The following PCDH9 variants were observed in gnomAD, a reference collection of about 807,000 sequenced individuals.
The protein encoded by PCDH9 is protocadherin 9.
A neutral mutation model predicts 70.6 loss-of-function variants in PCDH9; 24 were observed. The ratio of observed to expected loss-of-function variants is 0.34; its 90% CI spans 0.25 to 0.48. The LOEUF is 0.48. Among genes scored for constraint, PCDH9 ranks in the 20% least tolerant of loss-of-function variants. The probability of loss-of-function intolerance (pLI) is 0.99; values close to 1 mark genes in which losing one functional copy is unlikely to be tolerated. For missense variants in PCDH9, 1,281 were observed against 1,503.6 expected, an observed-to-expected ratio of 0.85 and a Z score of 2.45; for synonymous variants, 562 against 558.5, an observed-to-expected ratio of 1.01 and a Z score of -0.09.
chr13:66,349,238 T>C (rs531636229), intron 4 of PCDH9, among the ~76,000 whole-genome samples: 1 of 152,164 alleles, frequency 6.6e-6, no homozygotes, highest in African/African-American at 2.4e-5. Flanking sequence ...CCCTAAATAT[T>C]TGTTGAATAA....
intron 3 of PCDH9, among the ~76,000 whole-genome samples, chr13:66,668,738 C>A (rs1337878308): frequency 6.6e-6 from 1 of 152,096 alleles, no homozygotes; most frequent in Non-Finnish European, 1.5e-5. Context: ...CATTCCTTCT[C>A]TGAAGAATCT....
chr13:66,805,301 A>G (rs965585530), intron 3 of PCDH9, among the ~76,000 whole-genome samples: 3 of 152,170 alleles, frequency 2.0e-5, no homozygotes, highest in Non-Finnish European at 2.9e-5. Flanking sequence ...CAAACAAGGG[A>G]ACTAATTCTG....
At chr13:66,376,132 G>A (rs1055285459) in intron 4 of PCDH9, among the ~76,000 whole-genome samples, 3 of 152,040 alleles carry the variant, frequency 2.0e-5, no homozygotes, top group Admixed American at 2.0e-4. Flanking sequence ...AAAATAGAAG[G>A]AATTAAACAG....
chr13:66,478,852 T>C (rs1958782432), intron 4 of PCDH9, among the ~76,000 whole-genome samples: 1 of 152,194 alleles, frequency 6.6e-6, no homozygotes. Flanking sequence ...AAGATATAGC[T>C]AAGATAATTG....
At chr13:66,568,775 T>C (rs1450214767) in intron 4 of PCDH9, among the ~76,000 whole-genome samples, 1 of 151,424 alleles carries the variant, frequency 6.6e-6, no homozygotes, top group African/African-American at 2.4e-5. Flanking sequence ...CAAAATATAT[T>C]CAAAAATATA....
At chr13:66,823,485 T>G (rs1268948699) in intron 3 of PCDH9, among the ~76,000 whole-genome samples, 1 of 151,916 alleles carries the variant, frequency 6.6e-6, no homozygotes, top group African/African-American at 2.4e-5. Flanking sequence ...GCAGTATATA[T>G]ATGCAGACAC....
At chr13:67,160,919 G>A (rs1448725316) in intron 2 of PCDH9, among the ~76,000 whole-genome samples, 3 of 152,150 alleles carry the variant, frequency 2.0e-5, no homozygotes, top group Non-Finnish European at 4.4e-5. Flanking sequence ...TTTCCTGGTC[G>A]CTTAGATATT....
chr13:66,579,745 C>T (rs189353794), intron 4 of PCDH9, among the ~76,000 whole-genome samples: 5 of 152,016 alleles, frequency 3.3e-5, no homozygotes, highest in East Asian at 3.9e-4. Context: ...ACACAGTAGG[C>T]TCTTAAATAT....
chr13:66,742,306 C>G (rs1179377472), intron 3 of PCDH9, among the ~76,000 whole-genome samples: 1 of 36,778 alleles, frequency 2.7e-5, no homozygotes, highest in African/African-American at 1.1e-4. Flanking sequence ...AAAGCTGAAA[C>G]TGGATCCCTT....
chr13:67,058,874 CT>C (rs1016348926), intron 2 of PCDH9, among the ~76,000 whole-genome samples: 5 of 152,066 alleles, frequency 3.3e-5, no homozygotes, highest in Non-Finnish European at 7.4e-5. Context: ...CACATGTACT[CT>C]CCTTGTTTTT....
chr13:66,706,705 G>A lies in PCDH9; in HGVS notation c.3139-75294C>T, dbSNP rs569867636. Among the ~76,000 whole-genome samples the A allele has an allele frequency of 3.5e-4, 53 of 152,036 alleles. No individual in the cohort carries two copies. In the South Asian group the frequency reaches 5.4e-3, roughly 15 times the overall value. On this transcript the variant is annotated intron_variant, in intron 3 of 4. Coordinates refer to ENST00000377865, the MANE Select transcript of PCDH9 (RefSeq NM_203487.3). ...GAGGGGAAGGCTATGAAAGACAAGA[G>A]GCCAGCATTGGTTTTATTCTTTGCC...
intron 2 of PCDH9, among the ~76,000 whole-genome samples, chr13:66,963,929 T>G (rs964520596): frequency 1.2e-4 from 18 of 152,232 alleles, no homozygotes; most frequent in Non-Finnish European, 7.4e-5. Flanking sequence ...TCTCTTAGGT[T>G]AAGTTCATGT....
At position 66,832,226 on chromosome 13, in the gene PCDH9, G is replaced by T. The variant is rs1045298019; in HGVS notation, c.3138+71278C>A. Among the ~76,000 whole-genome samples the T allele has an allele frequency of 2.0e-5, 3 of 152,078 alleles. No individual in the cohort carries two copies. In the East Asian group the frequency reaches 5.8e-4, roughly 29 times the overall value. Reference sequence around the variant, plus strand: ...TGCATAGTTTGTTTTCAACAGAACTGGAATTTATAATAAATGTATGCCGTA... The same window carrying T: ...TGCATAGTTTGTTTTCAACAGAACTTGAATTTATAATAAATGTATGCCGTA... On this transcript the variant is annotated intron_variant, in intron 3 of 4. Transcript: ENST00000377865.
intron 3 of PCDH9, among the ~76,000 whole-genome samples, chr13:66,820,168 C>T (rs766521542): frequency 6.3e-4 from 95 of 151,588 alleles, no homozygotes; most frequent in Non-Finnish European, 1.1e-3. Flanking sequence ...GGTTAAAATG[C>T]TTATCTGACT....
chr13:66,589,534 G>C (rs1323236874), intron 4 of PCDH9, among the ~76,000 whole-genome samples: 17 of 152,018 alleles, frequency 1.1e-4, no homozygotes, highest in Admixed American at 1.1e-3. Context: ...GGAATCTCAT[G>C]AATATTAAAA....
chr13:66,546,938 C>T (rs886201891), intron 4 of PCDH9, among the ~76,000 whole-genome samples: 6 of 152,150 alleles, frequency 3.9e-5, no homozygotes, highest in Admixed American at 2.6e-4. Flanking sequence ...GCAAATTAGG[C>T]TATGCCATAC....
intron 2 of PCDH9, among the ~76,000 whole-genome samples, chr13:66,974,198 A>G (rs2083575235): frequency 6.6e-6 from 1 of 152,014 alleles, no homozygotes; most frequent in South Asian, 2.1e-4. Flanking sequence ...AAATGATATG[A>G]GAGTCTAATA....
intron 3 of PCDH9, among the ~76,000 whole-genome samples, chr13:66,807,859 TG>T (rs1279910611): frequency 6.6e-6 from 1 of 152,210 alleles, no homozygotes; most frequent in African/African-American, 2.4e-5. Context: ...AAGAAGTTTA[TG>T]AACTTTCATG....
intron 3 of PCDH9, among the ~76,000 whole-genome samples, chr13:66,673,546 A>C (rs1322937896): frequency 6.6e-6 from 1 of 152,178 alleles, no homozygotes; most frequent in Non-Finnish European, 1.5e-5. Flanking sequence ...TCTACAAGCC[A>C]GGGAATGTCT....
Sources: gnomAD v4.1 joint callset for allele counts (sites outside exome capture counted in the v4.1 genomes callset) on GRCh38, gnomAD v4.1.1 for gene constraint, MANE v1.5 for transcripts, NCBI Gene and HGNC (gene_info 2026-07-23, HGNC 2026-07-21) for gene names.